The following LRRC4C variants were observed in gnomAD, a reference collection of about 807,000 sequenced individuals.
The protein encoded by LRRC4C is leucine rich repeat containing 4C.
Under a neutral mutation model 33.6 loss-of-function variants are expected in LRRC4C, and 5 were observed. The ratio of observed to expected loss-of-function variants is 0.15; its 90% CI spans 0.08 to 0.31. The LOEUF (loss-of-function observed/expected upper bound fraction) is 0.31, where lower values mean the gene tolerates loss of function less well. Among genes scored for constraint, LRRC4C ranks in the 10% least tolerant of loss-of-function variants. LRRC4C has a pLI of 1.00. For synonymous variants in LRRC4C, 329 were observed against 302.0 expected, an observed-to-expected ratio of 1.09 and a Z score of -0.93; for missense variants, 560 against 796.7, an observed-to-expected ratio of 0.70 and a Z score of 3.58.
At chr11:40,406,363 T>A (rs961730231) in intron 3 of LRRC4C, among the ~76,000 whole-genome samples, 1 of 152,158 alleles carries the variant, frequency 6.6e-6, no homozygotes, top group African/African-American at 2.4e-5. Context: ...GTCTGACTCA[T>A]TCTGTCAAAG....
intron 1 of LRRC4C, among the ~76,000 whole-genome samples, chr11:41,255,877 A>G (rs1196882231): frequency 1.3e-5 from 2 of 151,962 alleles, no homozygotes; most frequent in Non-Finnish European, 2.9e-5. Context: ...GTCAGCCTAC[A>G]ATAGCAATCT....
chr11:40,853,581 G>A (rs10430982), intron 2 of LRRC4C, among the ~76,000 whole-genome samples: 94,282 of 151,834 alleles, frequency 0.62, 32,659 homozygotes, highest in East Asian at 0.86. Flanking sequence ...AACAAGAAAA[G>A]ACAAATGCAA....
intron 2 of LRRC4C, among the ~76,000 whole-genome samples, chr11:40,762,155 C>T (rs986520371): frequency 3.3e-5 from 5 of 152,138 alleles, no homozygotes; most frequent in African/African-American, 1.2e-4. Context: ...AAAGCTACTC[C>T]TCTTAGAAAT....
intron 3 of LRRC4C, among the ~76,000 whole-genome samples, chr11:40,624,057 A>T (rs1299084899): frequency 6.6e-6 from 1 of 152,084 alleles, no homozygotes; most frequent in Non-Finnish European, 1.5e-5. Flanking sequence ...AGTGTATCAA[A>T]AGCCACTTGC....
At chr11:41,060,155 A>G (rs1937647492) in intron 1 of LRRC4C, among the ~76,000 whole-genome samples, 1 of 152,198 alleles carries the variant, frequency 6.6e-6, no homozygotes, top group Admixed American at 6.5e-5. Flanking sequence ...GCTCTGTGTC[A>G]TGCTGGTATT....
At chr11:41,453,888 T>G (rs1590332799) in intron 1 of LRRC4C, among the ~76,000 whole-genome samples, 1 of 152,214 alleles carries the variant, frequency 6.6e-6, no homozygotes, top group South Asian at 2.1e-4. Flanking sequence ...CTTAAGGCTG[T>G]GGTAGAGGCC....
intron 1 of LRRC4C, among the ~76,000 whole-genome samples, chr11:41,268,381 A>G (rs1020210800): frequency 7.2e-5 from 11 of 152,082 alleles, no homozygotes; most frequent in African/African-American, 7.2e-5. Context: ...ACTGACCCAT[A>G]GAAATTGTGA....
intron 5 of LRRC4C, among the ~76,000 whole-genome samples, chr11:40,225,092 T>G (rs1364674566): frequency 6.6e-6 from 1 of 152,188 alleles, no homozygotes; most frequent in Non-Finnish European, 1.5e-5. Flanking sequence ...ATAAGCTGCC[T>G]GCATAAAAAC....
At chr11:41,258,018 G>A (rs117753461) in intron 1 of LRRC4C, among the ~76,000 whole-genome samples, 354 of 151,952 alleles carry the variant, frequency 2.3e-3, no homozygotes, top group Non-Finnish European at 4.0e-3. Flanking sequence ...TCATGAGCTA[G>A]GTAACGATAT....
chr11:40,663,218 T>C (rs1943541092), intron 2 of LRRC4C, among the ~76,000 whole-genome samples: 1 of 152,244 alleles, frequency 6.6e-6, no homozygotes, highest in Admixed American at 6.5e-5. Flanking sequence ...GTAGCTGGGA[T>C]TACAGGCGTG....
intron 1 of LRRC4C, among the ~76,000 whole-genome samples, chr11:41,008,387 A>G (rs1209805817): frequency 6.6e-6 from 1 of 152,136 alleles, no homozygotes. Flanking sequence ...TCTTCCTTGC[A>G]AGTTCATAGA....
intron 1 of LRRC4C, among the ~76,000 whole-genome samples, chr11:41,377,045 C>T (rs554721724): frequency 3.0e-4 from 46 of 152,120 alleles, no homozygotes; most frequent in African/African-American, 1.1e-3. Flanking sequence ...ATTTTTGGAG[C>T]CATATGTCCA....
At position 40,920,827 on chromosome 11, in the gene LRRC4C, A is replaced by G. The variant is rs190702343; in HGVS notation, c.-407+12808T>C. 1.1e-4 allele frequency among the ~76,000 whole-genome samples: 17 copies of G among 152,158 alleles called. No individual in the cohort carries two copies. The East Asian group carries it at 2.9e-3, about 26-fold the overall frequency. ...GTTACATTCTAGACCATGTGACTAT[A>G]TTACCTCACATGGCATTTTGCAGAT... On this transcript the variant is annotated intron_variant, in intron 2 of 6. Transcript: ENST00000528697.
chr11:41,422,355 T>C (rs1380605347), intron 1 of LRRC4C, among the ~76,000 whole-genome samples: 1 of 152,046 alleles, frequency 6.6e-6, no homozygotes, highest in Non-Finnish European at 1.5e-5. Flanking sequence ...CTTGTGACAG[T>C]TGCTACCCAT....
chr11:41,400,764 G>C (rs1448310472), intron 1 of LRRC4C, among the ~76,000 whole-genome samples: 1 of 151,830 alleles, frequency 6.6e-6, no homozygotes, highest in Non-Finnish European at 1.5e-5. Context: ...TATGAGATTA[G>C]ACCTCAGTCT....
At chr11:41,326,793 A>G (rs534880069) in intron 1 of LRRC4C, among the ~76,000 whole-genome samples, 14 of 152,248 alleles carry the variant, frequency 9.2e-5, no homozygotes, top group African/African-American at 3.4e-4. Flanking sequence ...ATAAATTTCT[A>G]TTGTATGTGT....
intron 2 of LRRC4C, among the ~76,000 whole-genome samples, chr11:40,857,428 T>TA (rs1314222852): frequency 6.6e-6 from 1 of 152,124 alleles, no homozygotes; most frequent in African/African-American, 2.4e-5. Flanking sequence ...AGCTCCCACT[T>TA]ACAAATGAGA....
intron 1 of LRRC4C, among the ~76,000 whole-genome samples, chr11:40,958,375 T>G (rs1959053581): frequency 6.6e-6 from 1 of 151,818 alleles, no homozygotes; most frequent in Non-Finnish European, 1.5e-5. Context: ...TATATGTGTT[T>G]AGAAGAGTTT....
intron 2 of LRRC4C, among the ~76,000 whole-genome samples, chr11:40,712,470 T>A (rs1946515750): frequency 6.6e-6 from 1 of 152,308 alleles, no homozygotes; most frequent in South Asian, 2.1e-4. Context: ...GACTGTGTCC[T>A]CACCCAAAAT....
Sources: gnomAD v4.1 joint callset for allele counts (sites outside exome capture counted in the v4.1 genomes callset) on GRCh38, gnomAD v4.1.1 for gene constraint, MANE v1.5 for transcripts, NCBI Gene and HGNC (gene_info 2026-07-23, HGNC 2026-07-21) for gene names.